The following FGGY variants were observed in gnomAD, a reference collection of about 807,000 sequenced individuals.
FGGY encodes FGGY carbohydrate kinase domain-containing protein.
FGGY carries 72 observed loss-of-function variants against 71.3 expected under a neutral mutation model. The observed-to-expected ratio is 1.01, with a 90% CI of 0.84 to 1.23. The LOEUF (loss-of-function observed/expected upper bound fraction) is 1.23. Among genes scored for constraint, FGGY ranks in the 50% most tolerant of loss-of-function variants. The pLI is 0.00. For missense variants in FGGY, 668 were observed against 682.3 expected (o/e 0.98, Z 0.23); for synonymous variants, 251 against 250.3 (o/e 1.00, Z -0.02).
chr1:59,634,032 A>G (rs1572392854), intron 10 of FGGY, among the ~76,000 whole-genome samples: 1 of 152,210 alleles, frequency 6.6e-6, no homozygotes, highest in Non-Finnish European at 1.5e-5. Context: ...GGCATTAACA[A>G]CAAAGAGGGT....
At chr1:59,466,961 A>G (rs1045543220) in intron 6 of FGGY, among the ~76,000 whole-genome samples, 2 of 152,204 alleles carry the variant, frequency 1.3e-5, no homozygotes, top group Admixed American at 6.5e-5. Flanking sequence ...TCAAGGATCC[A>G]GAACTAGAAA....
chr1:59,739,034 G>A (rs1286996714), intron 14 of FGGY, among the ~76,000 whole-genome samples: 1 of 152,198 alleles, frequency 6.6e-6, no homozygotes, highest in Non-Finnish European at 1.5e-5. Flanking sequence ...AGGGAGACCA[G>A]AACAGACATG....
intron 2 of FGGY, among the ~76,000 whole-genome samples, chr1:59,323,986 C>T (rs1195744661): frequency 6.6e-6 from 1 of 152,144 alleles, no homozygotes; most frequent in Non-Finnish European, 1.5e-5. Flanking sequence ...CTTTGAGAAA[C>T]ACTGGTCTAG....
At chr1:59,497,449 G>A (rs186151085) in intron 6 of FGGY, among the ~76,000 whole-genome samples, 7 of 152,196 alleles carry the variant, frequency 4.6e-5, no homozygotes, top group Admixed American at 3.3e-4. Context: ...TTAGCCAGGC[G>A]TGGTGGCAGG....
At chr1:59,501,261 A>G (rs1424023416) in intron 6 of FGGY, among the ~76,000 whole-genome samples, 1 of 152,208 alleles carries the variant, frequency 6.6e-6, no homozygotes, top group Non-Finnish European at 1.5e-5. Flanking sequence ...AACATCCTTT[A>G]TTTTGAGATC....
At chr1:59,702,174 G>A (rs2097715398) in intron 14 of FGGY, among the ~76,000 whole-genome samples, 1 of 152,110 alleles carries the variant, frequency 6.6e-6, no homozygotes, top group Non-Finnish European at 1.5e-5. Flanking sequence ...CAGCCCCCAT[G>A]ATCCAATCAC....
intron 5 of FGGY, among the ~76,000 whole-genome samples, chr1:59,425,194 A>G (rs973685170): frequency 6.6e-6 from 1 of 152,248 alleles, no homozygotes; most frequent in African/African-American, 2.4e-5. Context: ...AAGCTGATAT[A>G]TAGGTATAGT....
At chr1:59,563,595 C>T (rs574439792) in intron 8 of FGGY, among the ~76,000 whole-genome samples, 31 of 152,214 alleles carry the variant, frequency 2.0e-4, no homozygotes, top group Middle Eastern at 3.4e-3. Flanking sequence ...GAATCAATAT[C>T]GTGAAAATGG....
chr1:59,394,091 TGCCTTGGAAGG>T (rs2061026557), intron 5 of FGGY, among the ~76,000 whole-genome samples: 2 of 152,214 alleles, frequency 1.3e-5, no homozygotes, highest in African/African-American at 4.8e-5. Context: ...GCCTTTGTTT[TGCCTTGGAAGG>T]GCCAGTATTT....
At chr1:59,546,815 G>T (rs899791049) in intron 7 of FGGY, among the ~76,000 whole-genome samples, 1 of 151,960 alleles carries the variant, frequency 6.6e-6, no homozygotes, top group East Asian at 1.9e-4. Context: ...AAAGTGCTGG[G>T]ATTACAGGCG....
intron 5 of FGGY, among the ~76,000 whole-genome samples, chr1:59,396,667 A>G (rs2061362457): frequency 6.6e-6 from 1 of 152,170 alleles, no homozygotes; most frequent in African/African-American, 2.4e-5. Context: ...TTCAAACTGG[A>G]CTTGGAATCC....
At chr1:59,489,350 A>G (rs2093754793) in intron 6 of FGGY, among the ~76,000 whole-genome samples, 1 of 152,094 alleles carries the variant, frequency 6.6e-6, no homozygotes, top group African/African-American at 2.4e-5. Context: ...GTGTTTTTTA[A>G]TAAATCTCTC....
intron 4 of FGGY, among the ~76,000 whole-genome samples, chr1:59,350,531 T>A (rs550441315): frequency 6.6e-6 from 1 of 152,172 alleles, no homozygotes; most frequent in Admixed American, 6.6e-5. Flanking sequence ...TTATGGTAGG[T>A]GAGTCCCAGG....
chr1:59,400,792 G>C (rs1484632083), intron 5 of FGGY, among the ~76,000 whole-genome samples: 1 of 151,154 alleles, frequency 6.6e-6, no homozygotes, highest in Non-Finnish European at 1.5e-5. Flanking sequence ...TTATTTTTGA[G>C]ATAGGGTCTT....
intron 4 of FGGY, among the ~76,000 whole-genome samples, chr1:59,355,734 A>G (rs759029259): frequency 1.3e-5 from 2 of 152,006 alleles, no homozygotes; most frequent in Non-Finnish European, 2.9e-5. Flanking sequence ...GCTACACAAT[A>G]GTAGGTTGTA....
At chr1:59,718,205 A>G (rs1020157536) in intron 14 of FGGY, among the ~76,000 whole-genome samples, 4 of 152,244 alleles carry the variant, frequency 2.6e-5, no homozygotes, top group African/African-American at 4.8e-5. Flanking sequence ...CATTTGAACT[A>G]GGTCTTCCTA....
intron 4 of FGGY, among the ~76,000 whole-genome samples, chr1:59,352,469 T>C (rs2053492551): frequency 6.6e-6 from 1 of 152,182 alleles, no homozygotes; most frequent in Non-Finnish European, 1.5e-5. Context: ...TGTCACAGGA[T>C]TTTGTTGATG....
chr1:59,477,556 C>T (rs983703811), intron 6 of FGGY, among the ~76,000 whole-genome samples: 1 of 152,182 alleles, frequency 6.6e-6, no homozygotes, highest in Non-Finnish European at 1.5e-5. Flanking sequence ...TGCTACCCAT[C>T]TGTTCTTGTG....
chr1:59,683,465 A>G (rs1157772453), intron 14 of FGGY, among the ~76,000 whole-genome samples: 1 of 152,198 alleles, frequency 6.6e-6, no homozygotes, highest in East Asian at 1.9e-4. Context: ...ATTCCTGGGA[A>G]TAGATAAAAC....
Sources: gnomAD v4.1 joint callset for allele counts (sites outside exome capture counted in the v4.1 genomes callset) on GRCh38, gnomAD v4.1.1 for gene constraint, MANE v1.5 for transcripts, NCBI Gene and HGNC (gene_info 2026-07-23, HGNC 2026-07-21) for gene names.